STPG2: variants seen among roughly 807,000 people sequenced by gnomAD.
The protein encoded by STPG2 is sperm tail PG-rich repeat containing 2, also known as sperm-tail PG-rich repeat-containing protein 2.
A neutral mutation model predicts 54.2 loss-of-function variants in STPG2; 56 were observed. The ratio of observed to expected loss-of-function variants is 1.03; its 90% CI spans 0.83 to 1.29. The LOEUF is 1.29. Ranked by LOEUF, STPG2 falls within the 50% of genes most tolerant of loss-of-function variation. The pLI, the probability that STPG2 is intolerant of heterozygous loss-of-function variation, is 0.00. For synonymous variants in STPG2, 200 were observed against 181.8 expected (o/e 1.10, Z -0.81); for missense variants, 596 against 544.9 (o/e 1.09, Z -0.93).
chr4:97,789,088 G>A (rs952685533), intron 9 of STPG2, among the ~76,000 whole-genome samples: 1 of 151,770 alleles, frequency 6.6e-6, no homozygotes, highest in Non-Finnish European at 1.5e-5. Flanking sequence ...TTGAAGTTAA[G>A]ACAGACCCAG....
chr4:97,474,460 T>C (rs888545447), intron 4 of STPG2, among the ~76,000 whole-genome samples: 7 of 152,222 alleles, frequency 4.6e-5, no homozygotes, highest in Middle Eastern at 3.4e-3. Context: ...CAGCTCATGG[T>C]GATAATAATC....
At chr4:97,928,187 G>A (rs1015387646) in intron 8 of STPG2, among the ~76,000 whole-genome samples, 2 of 152,074 alleles carry the variant, frequency 1.3e-5, no homozygotes, top group Admixed American at 1.3e-4. Flanking sequence ...CATCTGAGAG[G>A]CCCTCCTTGG....
At chr4:97,885,613 G>C (rs909807020) in intron 8 of STPG2, among the ~76,000 whole-genome samples, 12 of 152,110 alleles carry the variant, frequency 7.9e-5, no homozygotes, top group African/African-American at 2.9e-4. Flanking sequence ...ACATGCGTTT[G>C]AACTGCACAG....
At chr4:97,533,028 G>A (rs535213083) in intron 4 of STPG2, among the ~76,000 whole-genome samples, 8 of 152,018 alleles carry the variant, frequency 5.3e-5, no homozygotes, top group South Asian at 2.1e-4. Context: ...AACTACAGGC[G>A]CCCGCCACCA....
At chr4:97,913,905 A>G (rs1262287820) in intron 8 of STPG2, among the ~76,000 whole-genome samples, 1 of 152,168 alleles carries the variant, frequency 6.6e-6, no homozygotes. Flanking sequence ...TAATTTTTAG[A>G]TACTTCCTGA....
intron 10 of STPG2, among the ~76,000 whole-genome samples, chr4:97,701,548 T>C (rs911198571): frequency 2.6e-5 from 4 of 152,142 alleles, no homozygotes; most frequent in African/African-American, 9.7e-5. Flanking sequence ...GGGTCCTCCC[T>C]CAAGGGGACC....
intron 4 of STPG2, among the ~76,000 whole-genome samples, chr4:97,473,984 A>G (rs1007633008): frequency 2.0e-5 from 3 of 152,088 alleles, no homozygotes; most frequent in Non-Finnish European, 4.4e-5. Context: ...TTGATCACTG[A>G]AACTATTCTA....
chr4:97,524,502 A>C (rs527419722), intron 4 of STPG2, among the ~76,000 whole-genome samples: 1 of 151,902 alleles, frequency 6.6e-6, no homozygotes, highest in South Asian at 2.1e-4. Context: ...TCATTTCCTT[A>C]ATGTCTTATT....
At chr4:97,863,191 G>C (rs1161355680) in intron 8 of STPG2, among the ~76,000 whole-genome samples, 1 of 152,120 alleles carries the variant, frequency 6.6e-6, no homozygotes, top group Non-Finnish European at 1.5e-5. Context: ...GAAATTGATA[G>C]ACCGCTAGCA....
At chr4:97,679,302 T>G (rs1722952738) in intron 10 of STPG2, among the ~76,000 whole-genome samples, 1 of 151,824 alleles carries the variant, frequency 6.6e-6, no homozygotes, top group African/African-American at 2.4e-5. Context: ...TTCCTGACTT[T>G]TTAATGATTG....
chr4:97,648,156 G>T (rs1173666763), intron 10 of STPG2, among the ~76,000 whole-genome samples: 1 of 152,104 alleles, frequency 6.6e-6, no homozygotes, highest in Non-Finnish European at 1.5e-5. Context: ...AAGTGAGCTT[G>T]CAACAATGGC....
chr4:97,478,576 TC>T (rs1284844025), intron 4 of STPG2, among the ~76,000 whole-genome samples: 1 of 152,122 alleles, frequency 6.6e-6, no homozygotes, highest in Non-Finnish European at 1.5e-5. Context: ...CAACATAGTC[TC>T]TAAATTATGT....
At chr4:98,124,737 G>A (rs1739781650) in intron 3 of STPG2, among the ~76,000 whole-genome samples, 1 of 152,102 alleles carries the variant, frequency 6.6e-6, no homozygotes, top group Non-Finnish European at 1.5e-5. Flanking sequence ...GCTAGTTTGG[G>A]GAAGTTCTCT....
intron 10 of STPG2, among the ~76,000 whole-genome samples, chr4:97,686,958 AGAGAGT>A (rs1723211258): frequency 6.8e-6 from 1 of 146,858 alleles, no homozygotes; most frequent in Non-Finnish European, 1.5e-5. Flanking sequence ...TTTTTGAGAG[AGAGAGT>A]GAGTCTCGCT....
chr4:97,784,037 T>C (rs1726743193), intron 9 of STPG2, among the ~76,000 whole-genome samples: 1 of 149,354 alleles, frequency 6.7e-6, no homozygotes, highest in African/African-American at 2.5e-5. Context: ...CTGCACGTTG[T>C]ACACATGTAC....
chr4:97,456,911 T>TA (rs1560616538), intron 4 of STPG2, among the ~76,000 whole-genome samples: 8 of 98,246 alleles, frequency 8.1e-5, no homozygotes, highest in African/African-American at 4.3e-4. Flanking sequence ...AAAAAGAAAA[T>TA]TAAAAAAAAA....
intron 5 of STPG2, among the ~76,000 whole-genome samples, chr4:97,991,499 A>C (rs1735014585): frequency 6.7e-6 from 1 of 148,152 alleles, no homozygotes. Flanking sequence ...TTCTTTATCC[A>C]CTCATTGATG....
chr4:98,076,992 T>C (rs1283278282), intron 5 of STPG2, among the ~76,000 whole-genome samples: 2 of 152,068 alleles, frequency 1.3e-5, no homozygotes, highest in Non-Finnish European at 2.9e-5. Flanking sequence ...CCTACAATCA[T>C]GGTTCTCAAG....
chr4:97,564,017 A>G (rs927015070), intron 10 of STPG2, among the ~76,000 whole-genome samples: 4 of 152,098 alleles, frequency 2.6e-5, no homozygotes, highest in African/African-American at 7.2e-5. Context: ...TGATCTGTCT[A>G]ATGTTGACAG....
Sources: allele counts gnomAD v4.1 joint callset (sites outside exome capture counted in the v4.1 genomes callset), GRCh38; gene constraint gnomAD v4.1.1; transcripts MANE v1.5; gene names NCBI Gene and HGNC (gene_info 2026-07-23, HGNC 2026-07-21).